B3GALT1: variants seen among roughly 807,000 people sequenced by gnomAD.
The protein encoded by B3GALT1 is UDP-Gal:betaGlcNAc beta 1,3-galactosyltransferase, polypeptide 1.
Under a neutral mutation model 23.2 loss-of-function variants are expected in B3GALT1, and 10 were observed. The observed-to-expected ratio is 0.43, with a 90% confidence interval of 0.27 to 0.73. The LOEUF is 0.73. B3GALT1 is among the 30% of genes least tolerant of loss of function. The pLI is 0.21. For missense variants in B3GALT1, 299 were observed against 405.4 expected (o/e 0.74, Z 2.25); for synonymous variants, 156 against 141.5 (o/e 1.10, Z -0.73).
intron 2 of B3GALT1, among the ~76,000 whole-genome samples, chr2:167,530,864 G>T (rs764544669): frequency 2.0e-5 from 3 of 151,888 alleles, no homozygotes; most frequent in Non-Finnish European, 4.4e-5. Context: ...ATCTTCTGGG[G>T]AAATAGAAAA....
At chr2:167,737,682 G>A (rs1191697064) in intron 3 of B3GALT1, among the ~76,000 whole-genome samples, 1 of 152,208 alleles carries the variant, frequency 6.6e-6, no homozygotes, top group African/African-American at 2.4e-5. Flanking sequence ...TGTCAATGGA[G>A]GGAACTGTAA....
At chr2:167,366,859 A>G (rs1298587317) in intron 1 of B3GALT1, among the ~76,000 whole-genome samples, 4 of 152,216 alleles carry the variant, frequency 2.6e-5, no homozygotes, top group Non-Finnish European at 4.4e-5. Context: ...GGAGCTCTCC[A>G]TGAGACTCAG....
rs116195649 is a variant in B3GALT1 at position 167,780,108 on chromosome 2, T to G, written c.-351-38564T>G. Among the ~76,000 whole-genome samples, 1,098 of 152,326 alleles carry G rather than the reference T, an allele frequency of 7.2e-3. 14 individuals carry two copies. Among genetic ancestry groups the G allele is most frequent in the African/African-American group, 0.025 (1,050 of 41,572 alleles). The stretch of plus-strand genomic sequence containing the variant: ...ATATTACAAGTGTTTATTTTTTATC[T>G]TTGCTGTGTAACCTCCACCGTATTC... On this transcript the variant is annotated intron_variant, in intron 3 of 4. Coordinates refer to ENST00000392690, the MANE Select transcript of B3GALT1 (RefSeq NM_020981.4).
chr2:167,713,738 C>T, intron 3 of B3GALT1: 1 of 1,573,578 alleles, frequency 6.4e-7, no homozygotes, highest in Non-Finnish European at 8.7e-7. Context: ...TTGCTTCTAC[C>T]TTCAGAATGT....
chr2:167,707,099 C>G (rs186743233), intron 3 of B3GALT1, among the ~76,000 whole-genome samples: 1 of 152,258 alleles, frequency 6.6e-6, no homozygotes, highest in Non-Finnish European at 1.5e-5. Context: ...GCTGAGCTTC[C>G]CAGCCCACCT....
chr2:167,714,318 C>T, intron 3 of B3GALT1: 1 of 1,493,322 alleles, frequency 6.7e-7, no homozygotes, highest in South Asian at 1.1e-5. Context: ...CTGTGAGCAT[C>T]AGTTGACCTA....
At position 167,660,310 on chromosome 2, in the gene B3GALT1, G is replaced by A. The variant is rs148329721; in HGVS notation, c.-352+13344G>A. On this transcript the variant is annotated intron_variant, in intron 3 of 4. Transcript: ENST00000392690. ...GTGTGGCTCTCCACTTTATGGAAAT[G>A]GGAATAGTGATAGGTACTGTGGTGT... Among the ~76,000 whole-genome samples, 128 of 152,124 alleles carry A rather than the reference G, an allele frequency of 8.4e-4. No homozygotes were observed. The East Asian group carries it at 0.017, about 20-fold the overall frequency.
At chr2:167,859,000 AAAT>A (rs1175012099) in intron 4 of B3GALT1, among the ~76,000 whole-genome samples, 3 of 152,100 alleles carry the variant, frequency 2.0e-5, no homozygotes, top group African/African-American at 7.2e-5. Context: ...GCCTCCCCCA[AAAT>A]AATGGGCCGA....
intron 2 of B3GALT1, among the ~76,000 whole-genome samples, chr2:167,501,575 A>G (rs1027097404): frequency 6.6e-5 from 10 of 151,982 alleles, no homozygotes; most frequent in South Asian, 2.1e-4. Flanking sequence ...AACACAAAAA[A>G]GATTTTTATC....
chr2:167,718,346 CTTT>C (rs1285888139), intron 3 of B3GALT1, among the ~76,000 whole-genome samples: 2 of 151,684 alleles, frequency 1.3e-5, no homozygotes, highest in African/African-American at 4.8e-5. Flanking sequence ...CAAATATCAT[CTTT>C]GTTCTGCAGG....
chr2:167,356,587 G>A (rs1171693095), intron 1 of B3GALT1, among the ~76,000 whole-genome samples: 1 of 152,064 alleles, frequency 6.6e-6, no homozygotes, highest in Non-Finnish European at 1.5e-5. Flanking sequence ...AATAAAGCTA[G>A]CTGCAAATCC....
chr2:167,598,923 A>C (rs1684828001), intron 2 of B3GALT1, among the ~76,000 whole-genome samples: 1 of 152,194 alleles, frequency 6.6e-6, no homozygotes, highest in African/African-American at 2.4e-5. Context: ...TACTATTTTC[A>C]TTCTATTCTC....
chr2:167,379,309 A>G (rs1000817348), intron 1 of B3GALT1, among the ~76,000 whole-genome samples: 1 of 152,134 alleles, frequency 6.6e-6, no homozygotes, highest in Non-Finnish European at 1.5e-5. Flanking sequence ...CTCCCTTGAC[A>G]TGTGGGGATT....
At chr2:167,366,965 G>A (rs1332345614) in intron 1 of B3GALT1, among the ~76,000 whole-genome samples, 1 of 152,208 alleles carries the variant, frequency 6.6e-6, no homozygotes, top group African/African-American at 2.4e-5. Context: ...AAATGGCTCA[G>A]TGCTACATTC....
intron 2 of B3GALT1, among the ~76,000 whole-genome samples, chr2:167,530,727 A>G (rs1683312488): frequency 6.6e-6 from 1 of 152,030 alleles, no homozygotes; most frequent in South Asian, 2.1e-4. Flanking sequence ...TATTTTTACA[A>G]CTCTTTCAGC....
intron 3 of B3GALT1, among the ~76,000 whole-genome samples, chr2:167,719,345 G>C (rs11681744): frequency 0.2 from 30,574 of 152,116 alleles, 3,764 homozygotes; most frequent in Non-Finnish European, 0.28. Flanking sequence ...AATGCTTGAC[G>C]TACAGGCAGA....
At chr2:167,406,166 G>A (rs1390945840) in intron 1 of B3GALT1, among the ~76,000 whole-genome samples, 2 of 152,080 alleles carry the variant, frequency 1.3e-5, no homozygotes, top group African/African-American at 4.8e-5. Context: ...CAATTCCATA[G>A]AGATTGTAGA....
At chr2:167,845,409 A>G (rs1280700648) in intron 4 of B3GALT1, among the ~76,000 whole-genome samples, 1 of 152,206 alleles carries the variant, frequency 6.6e-6, no homozygotes, top group Non-Finnish European at 1.5e-5. Flanking sequence ...TAGACGATTC[A>G]TATCACAGGA....
intron 1 of B3GALT1, among the ~76,000 whole-genome samples, chr2:167,307,297 T>C (rs1696566031): frequency 6.6e-6 from 1 of 152,044 alleles, no homozygotes; most frequent in South Asian, 2.1e-4. Flanking sequence ...TCTCTCTTTA[T>C]TGAAATGCAT....
Sources: gnomAD v4.1 joint callset for allele counts (sites outside exome capture counted in the v4.1 genomes callset) on GRCh38, gnomAD v4.1.1 for gene constraint, MANE v1.5 for transcripts, NCBI Gene and HGNC (gene_info 2026-07-23, HGNC 2026-07-21) for gene names.